Variants in XKR9 observed in about 807,000 individuals in gnomAD.
The protein encoded by XKR9 is XK related 9, also known as XK-related protein 9.
In XKR9, 32 loss-of-function variants were observed where a neutral mutation model predicts 32.0. The ratio of observed to expected loss-of-function variants is 1.00; its 90% CI spans 0.76 to 1.34. The LOEUF (loss-of-function observed/expected upper bound fraction) is 1.34. Ranked by LOEUF, XKR9 falls within the 40% of genes most tolerant of loss-of-function variation. XKR9 has a pLI of 0.00. For synonymous variants in XKR9, 168 were observed against 143.4 expected, an observed-to-expected ratio of 1.17 and a Z score of -1.22; for missense variants, 546 against 429.7, an observed-to-expected ratio of 1.27 and a Z score of -2.39.
At chr8:70,675,756 C>G (rs1322807012) in intron 2 of XKR9, among the ~76,000 whole-genome samples, 1 of 152,206 alleles carries the variant, frequency 6.6e-6, no homozygotes, top group Non-Finnish European at 1.5e-5. Context: ...ATAAGTTACT[C>G]ATTTCCATCT....
the XKR9 span, among the ~76,000 whole-genome samples, chr8:70,887,469 A>G: frequency 6.6e-6 from 1 of 152,002 alleles, no homozygotes; most frequent in Non-Finnish European, 1.5e-5. Context: ...AAGAAACTCA[A>G]TGGTAGCTTG....
chr8:70,748,893 C>G (rs1807095947), intron 2 of XKR9, among the ~76,000 whole-genome samples: 1 of 152,206 alleles, frequency 6.6e-6, no homozygotes. Context: ...GGACTACAAG[C>G]TCTGGGGAGG....
At chr8:70,976,156 G>C in the XKR9 span, among the ~76,000 whole-genome samples, 1 of 152,100 alleles carries the variant, frequency 6.6e-6, no homozygotes, top group African/African-American at 2.4e-5. Flanking sequence ...AGACAATGGG[G>C]TTTTCTAAAT....
At chr8:70,756,036 G>T (rs1034361859) in intron 2 of XKR9, among the ~76,000 whole-genome samples, 1 of 152,080 alleles carries the variant, frequency 6.6e-6, no homozygotes, top group Non-Finnish European at 1.5e-5. Context: ...TGATGTATTT[G>T]GAGTTGATTT....
At chr8:71,048,122 A>G in the XKR9 span, among the ~76,000 whole-genome samples, 1 of 152,342 alleles carries the variant, frequency 6.6e-6, no homozygotes, top group Non-Finnish European at 1.5e-5. Context: ...TGGGAAGTCA[A>G]CAGTTGTCTC....
chr8:70,957,469 A>G, the XKR9 span, among the ~76,000 whole-genome samples: 1 of 152,144 alleles, frequency 6.6e-6, no homozygotes, highest in Non-Finnish European at 1.5e-5. Flanking sequence ...AGCTGCACAG[A>G]TTATCACATC....
chr8:70,966,645 C>A, the XKR9 span, among the ~76,000 whole-genome samples: 3 of 152,154 alleles, frequency 2.0e-5, no homozygotes, highest in African/African-American at 7.2e-5. Context: ...CTGCTTGATA[C>A]AGAGCAGAGT....
intron 2 of XKR9, among the ~76,000 whole-genome samples, chr8:70,776,813 G>A (rs1807526755): frequency 6.6e-6 from 1 of 151,430 alleles, no homozygotes; most frequent in South Asian, 2.1e-4. Context: ...TAATTTTACT[G>A]ATGCCTTTGA....
chr8:70,751,130 T>C (rs1295885750), intron 2 of XKR9, among the ~76,000 whole-genome samples: 1 of 152,088 alleles, frequency 6.6e-6, no homozygotes, highest in Non-Finnish European at 1.5e-5. Context: ...ATAATTGTGA[T>C]AGTTATTATT....
At chr8:70,925,829 G>A in the XKR9 span, among the ~76,000 whole-genome samples, 1 of 152,032 alleles carries the variant, frequency 6.6e-6, no homozygotes, top group Non-Finnish European at 1.5e-5. Flanking sequence ...ACTGGGATAG[G>A]GCACAGGAAG....
At chr8:70,994,708 C>T in the XKR9 span, among the ~76,000 whole-genome samples, 4 of 149,316 alleles carry the variant, frequency 2.7e-5, no homozygotes, top group Non-Finnish European at 4.4e-5. Flanking sequence ...ACACATTACA[C>T]ACTTTGAAAT....
chr8:70,680,333 A>G (rs1290427266), intron 2 of XKR9, among the ~76,000 whole-genome samples: 1 of 152,122 alleles, frequency 6.6e-6, no homozygotes, highest in Non-Finnish European at 1.5e-5. Context: ...TGCAAAGATT[A>G]TCTTTTTGTA....
chr8:70,903,521 T>A, the XKR9 span, among the ~76,000 whole-genome samples: 1 of 152,210 alleles, frequency 6.6e-6, no homozygotes, highest in Non-Finnish European at 1.5e-5. Context: ...ATTTTATTCT[T>A]CTTTCTTTTC....
the XKR9 span, among the ~76,000 whole-genome samples, chr8:71,045,207 G>A: frequency 6.6e-6 from 1 of 152,190 alleles, no homozygotes; most frequent in African/African-American, 2.4e-5. Context: ...ACTATAGCAA[G>A]GGCTGCCACT....
chr8:70,947,620 C>T, the XKR9 span, among the ~76,000 whole-genome samples: 1 of 152,098 alleles, frequency 6.6e-6, no homozygotes, highest in Non-Finnish European at 1.5e-5. Flanking sequence ...ATACATATTC[C>T]AACAAAATGG....
rs1055543371 is a variant in XKR9, at chr8:70,735,160, C to T, written c.*736C>T. ...TCTTAATCACTTTGAGTGTACAGTT[C>T]ATCAGTGTTAACTGTATTCACCTTG... On this transcript the variant is annotated 3_prime_UTR_variant, in exon 5 of 5. Coordinates refer to ENST00000408926, the MANE Select transcript of XKR9 (RefSeq NM_001011720.2). The T allele has an allele frequency of 1.3e-5, 2 of 151,924 alleles. No homozygotes were observed. The highest frequency in any genetic ancestry group is 2.4e-5 in the African/African-American group (1 of 41,386). 9.4% of individuals were successfully genotyped at this position (151,924 alleles called of 1,614,324 possible).
chr8:70,703,310 T>C (rs1805604062), intron 3 of XKR9, among the ~76,000 whole-genome samples: 1 of 152,112 alleles, frequency 6.6e-6, no homozygotes, highest in South Asian at 2.1e-4. Flanking sequence ...CTTAGTCTAG[T>C]GAGGTCTTAA....
chr8:70,744,964 G>C (rs1394950300), intron 2 of XKR9, among the ~76,000 whole-genome samples: 1 of 150,086 alleles, frequency 6.7e-6, no homozygotes, highest in Non-Finnish European at 1.5e-5. Flanking sequence ...ATGTTTTTCA[G>C]CTTTAGCTCA....
At chr8:70,695,376 G>T (rs1805230839) in intron 3 of XKR9, among the ~76,000 whole-genome samples, 1 of 122,268 alleles carries the variant, frequency 8.2e-6, no homozygotes, top group Non-Finnish European at 1.6e-5. Context: ...CCCTTCCTGT[G>T]TCCATGTGTT....
Sources: allele counts gnomAD v4.1 joint callset (sites outside exome capture counted in the v4.1 genomes callset), GRCh38; gene constraint gnomAD v4.1.1; transcripts MANE v1.5; gene names NCBI Gene and HGNC (gene_info 2026-07-23, HGNC 2026-07-21).